Variants in UBAP2L observed in about 807,000 individuals in gnomAD.
UBAP2L encodes ubiquitin-associated protein 2-like.
A neutral mutation model predicts 130.6 loss-of-function variants in UBAP2L; 12 were observed. The ratio of observed to expected loss-of-function variants is 0.09; its 90% CI spans 0.06 to 0.15. The LOEUF (loss-of-function observed/expected upper bound fraction) is 0.15. Among genes scored for constraint, UBAP2L ranks in the 10% least tolerant of loss-of-function variants. UBAP2L has a pLI of 1.00. For missense variants in UBAP2L, 965 were observed against 1,332.5 expected (o/e 0.72, Z 4.29); for synonymous variants, 503 against 524.7 (o/e 0.96, Z 0.57).
rs1456183838 is a variant in UBAP2L, at chr1:154,255,160, G to T, written c.1918G>T (p.Gly640Cys). The T allele has an allele frequency of 6.2e-7, 1 of 1,613,958 alleles. No individual in the cohort carries two copies. The highest frequency in any genetic ancestry group is 1.7e-5 in the Admixed American group (1 of 60,018). ...QTTQSVEGAT[G>C]SAVKSDSPST... is the part of the protein sequence containing the mutation. ...TTCTTCTAAATTTCTAGGTGCTACA[G>T]GCTCTGCAGTGAAATCTGATTCACC... Residue 640 changes from glycine to cysteine, a missense_variant, in exon 17 of 27, where the codon GGC becomes TGC. Gly to Cys is a radical substitution (Grantham distance 159, BLOSUM62 -3). Coordinates refer to ENST00000428931, the MANE Select transcript of UBAP2L (RefSeq NM_014847.4).
rs539758708 is a variant in UBAP2L at position 154,241,661 on chromosome 1, C to A, written c.756+96C>A. The A allele has an allele frequency of 1.9e-6, 3 of 1,552,660 alleles. No individual in the cohort carries two copies. The African/African-American group carries it at 4.1e-5, about 21-fold the overall frequency. On this transcript the variant is annotated intron_variant, in intron 9 of 26. Coordinates refer to ENST00000428931, the MANE Select transcript of UBAP2L (RefSeq NM_014847.4). ...TATGTTTCTACCCCTCAAAATTCAC[C>A]CTTAAGATTCTGACCCAAAACTTTT...
intron 11 of UBAP2L, among the ~76,000 whole-genome samples, chr1:154,247,008 C>T (rs1380536602): frequency 1.3e-5 from 2 of 152,146 alleles, no homozygotes; most frequent in African/African-American, 4.8e-5. Flanking sequence ...AGGTCATTAA[C>T]GACATCAAAG....
chr1:154,266,139 A>G (rs1415863377), intron 24 of UBAP2L, among the ~76,000 whole-genome samples: 19 of 152,188 alleles, frequency 1.2e-4, no homozygotes, highest in Admixed American at 1.2e-3. Context: ...ATTTGGGTGG[A>G]TTGATTTGAA....
intron 24 of UBAP2L, among the ~76,000 whole-genome samples, chr1:154,262,349 C>T (rs560214850): frequency 6.6e-6 from 1 of 152,276 alleles, no homozygotes; most frequent in East Asian, 1.9e-4. Context: ...TGGATGGGTA[C>T]TTACCTAAAA....
intron 2 of UBAP2L, 27 bp from the exon 3 acceptor site, chr1:154,227,255 C>G: frequency 6.3e-7 from 1 of 1,599,214 alleles, no homozygotes; most frequent in South Asian, 1.1e-5. Flanking sequence ...CATGATTATG[C>G]TTTCTTGATC....
At chr1:154,229,681 T>C (rs889218339) in intron 4 of UBAP2L, among the ~76,000 whole-genome samples, 1 of 151,932 alleles carries the variant, frequency 6.6e-6, no homozygotes, top group Non-Finnish European at 1.5e-5. Flanking sequence ...TCAGGCTGAT[T>C]TCAAACTCCT....
At chr1:154,260,056 T>TA in intron 22 of UBAP2L, 27 bp downstream of exon 22, 1 of 1,606,970 alleles carries the variant, frequency 6.2e-7, no homozygotes, top group South Asian at 1.1e-5. Context: ...ACTAAATAAA[T>TA]AAAAAGGGAG....
At chr1:154,268,712 T>C (rs774174444) in intron 25 of UBAP2L, 45 bp from the exon 26 acceptor site, 37 of 1,597,800 alleles carry the variant, frequency 2.3e-5, no homozygotes, top group African/African-American at 4.0e-5. Context: ...CCAAGACTAG[T>C]TTGCTGATCC....
At chr1:154,246,182 G>T in intron 10 of UBAP2L, 22 bp from the exon 11 acceptor site, 3 of 1,587,842 alleles carry the variant, frequency 1.9e-6, no homozygotes, top group Non-Finnish European at 2.6e-6. Context: ...TCTTCATGAA[G>T]ATCCCTTCCC....
At chr1:154,269,446 A>C (rs887060992) in intron 26 of UBAP2L, 6 of 1,302,186 alleles carry the variant, frequency 4.6e-6, no homozygotes, top group African/African-American at 1.5e-5. Flanking sequence ...GCTTGAACCC[A>C]CTCCTTTTCA....
At chr1:154,249,578 C>T (rs1249069058) in intron 12 of UBAP2L, 141 bp downstream of exon 12, 1 of 936,502 alleles carries the variant, frequency 1.1e-6, no homozygotes, top group Non-Finnish European at 1.6e-6. Flanking sequence ...ATGTATTTCC[C>T]CTAATCAAAT....
At chr1:154,264,869 T>G (rs1322454295) in intron 24 of UBAP2L, among the ~76,000 whole-genome samples, 1 of 152,220 alleles carries the variant, frequency 6.6e-6, no homozygotes, top group Non-Finnish European at 1.5e-5. Context: ...CCACATGAAC[T>G]TACTAGCTTA....
At chr1:154,221,162 A>AC (rs35914985) in intron 1 of UBAP2L, 187 bp downstream of exon 1, 1,386 of 72,202 alleles carry the variant, frequency 0.019, 9 homozygotes, top group East Asian at 0.047. Flanking sequence ...CCCACTGTAC[A>AC]CCCCCCCCCG....
intron 24 of UBAP2L, among the ~76,000 whole-genome samples, chr1:154,265,162 G>T (rs10797067): frequency 0.36 from 54,137 of 152,050 alleles, 10,188 homozygotes; most frequent in Admixed American, 0.49. Context: ...ATGTTGGGAA[G>T]GTTTTCCAGA....
chr1:154,259,151 G>A, intron 21 of UBAP2L, 121 bp downstream of exon 21: 1 of 883,380 alleles, frequency 1.1e-6, no homozygotes, highest in Non-Finnish European at 1.8e-6. Context: ...CTGATTTAAG[G>A]CATATTAGAA....
intron 11 of UBAP2L, among the ~76,000 whole-genome samples, chr1:154,248,247 G>A (rs1258409502): frequency 2.6e-5 from 4 of 152,082 alleles, no homozygotes; most frequent in Admixed American, 6.6e-5. Flanking sequence ...GATTACAGGC[G>A]TGAGCCACCG....
intron 24 of UBAP2L, among the ~76,000 whole-genome samples, chr1:154,262,179 G>C (rs769930994): frequency 1.3e-5 from 2 of 152,176 alleles, no homozygotes; most frequent in Non-Finnish European, 2.9e-5. Context: ...CTAGCTAGAA[G>C]ACCTAAACTG....
intron 17 of UBAP2L, 137 bp from the exon 18 acceptor site, chr1:154,255,546 C>A: frequency 8.6e-7 from 1 of 1,169,264 alleles, no homozygotes; most frequent in South Asian, 1.4e-5. Flanking sequence ...CCTGGCTGGC[C>A]ATTGTGCTTA....
chr1:154,260,840 G>T (rs117713334), intron 22 of UBAP2L, 52 bp from the exon 23 acceptor site: 1 of 1,542,558 alleles, frequency 6.5e-7, no homozygotes, highest in Non-Finnish European at 8.9e-7. Flanking sequence ...AGGTAATTCT[G>T]TATTGGTATT....
Sources: gnomAD v4.1 joint callset for allele counts (sites outside exome capture counted in the v4.1 genomes callset) on GRCh38, gnomAD v4.1.1 for gene constraint, MANE v1.5 for transcripts, NCBI Gene and HGNC (gene_info 2026-07-23, HGNC 2026-07-21) for gene names.